The following SHISA9 variants were observed in gnomAD, a reference collection of about 807,000 sequenced individuals.
SHISA9 encodes the protein protein shisa-9.
A neutral mutation model predicts 38.0 loss-of-function variants in SHISA9; 13 were observed. The ratio of observed to expected loss-of-function variants is 0.34; its 90% CI spans 0.22 to 0.54. SHISA9 has a LOEUF of 0.54. Ranked by LOEUF, SHISA9 falls within the 20% of genes least tolerant of loss-of-function variation. SHISA9 has a pLI of 0.91. For missense variants in SHISA9, 538 were observed against 575.8 expected (o/e 0.93, Z 0.67); for synonymous variants, 275 against 242.0 (o/e 1.14, Z -1.27).
At chr16:13,482,795 T>A in the SHISA9 span, among the ~76,000 whole-genome samples, 1,745 of 116,496 alleles carry the variant, frequency 0.015, 27 homozygotes, top group African/African-American at 0.05. Flanking sequence ...AGCAAGATCC[T>A]GTCACTAAAA....
chr16:13,068,844 GTA>G (rs1240490416), intron 2 of SHISA9, among the ~76,000 whole-genome samples: 1 of 150,890 alleles, frequency 6.6e-6, no homozygotes, highest in Non-Finnish European at 1.5e-5. Flanking sequence ...GCATGTATGT[GTA>G]TATATATGCA....
chr16:13,429,637 T>G, the SHISA9 span, among the ~76,000 whole-genome samples: 2 of 152,236 alleles, frequency 1.3e-5, no homozygotes, highest in Admixed American at 6.5e-5. Flanking sequence ...CACACTGTGA[T>G]GACCTGGAGT....
the SHISA9 span, among the ~76,000 whole-genome samples, chr16:13,557,661 G>A: frequency 6.6e-6 from 1 of 152,126 alleles, no homozygotes; most frequent in Admixed American, 6.6e-5. Context: ...GCCAAGGTGC[G>A]CTAATGGAAC....
At chr16:13,476,595 A>ATGTGG in the SHISA9 span, among the ~76,000 whole-genome samples, 1 of 152,264 alleles carries the variant, frequency 6.6e-6, no homozygotes, top group East Asian at 1.9e-4. Context: ...ACTTTGGCTT[A>ATGTGG]TGTGGTGTTT....
At chr16:13,181,476 G>C (rs1024035325) in intron 2 of SHISA9, among the ~76,000 whole-genome samples, 1 of 151,818 alleles carries the variant, frequency 6.6e-6, no homozygotes, top group Non-Finnish European at 1.5e-5. Flanking sequence ...CTTGCTGGGG[G>C]ATAGAGATCA....
At chr16:13,339,781 A>G in the SHISA9 span, among the ~76,000 whole-genome samples, 1 of 152,196 alleles carries the variant, frequency 6.6e-6, no homozygotes, top group Admixed American at 6.5e-5. Flanking sequence ...AAACGACTTA[A>G]CTCTGAGTGC....
At chr16:13,269,691 T>C in the SHISA9 span, among the ~76,000 whole-genome samples, 1 of 152,188 alleles carries the variant, frequency 6.6e-6, no homozygotes, top group African/African-American at 2.4e-5. Context: ...GGAGACAGTA[T>C]ATGCTAAGGT....
intron 2 of SHISA9, among the ~76,000 whole-genome samples, chr16:13,112,190 C>T (rs2073985564): frequency 6.6e-6 from 1 of 152,052 alleles, no homozygotes; most frequent in Non-Finnish European, 1.5e-5. Flanking sequence ...GGACTTGTGT[C>T]AGATGCCAAA....
chr16:13,251,518 G>A, the SHISA9 span, among the ~76,000 whole-genome samples: 2 of 152,044 alleles, frequency 1.3e-5, no homozygotes, highest in Non-Finnish European at 2.9e-5. Context: ...GCGGGGAGAG[G>A]GGTATTGGAG....
the SHISA9 span, among the ~76,000 whole-genome samples, chr16:13,460,050 G>C: frequency 3.9e-5 from 6 of 152,110 alleles, no homozygotes; most frequent in African/African-American, 1.4e-4. Context: ...TGGGATTACA[G>C]ACACGAGCCA....
intron 2 of SHISA9, among the ~76,000 whole-genome samples, chr16:13,072,510 T>C (rs1468601689): frequency 6.6e-6 from 1 of 152,160 alleles, no homozygotes; most frequent in African/African-American, 2.4e-5. Context: ...ACACATCCCA[T>C]CTGGGTCACT....
At chr16:13,494,770 T>C in the SHISA9 span, among the ~76,000 whole-genome samples, 115 of 152,220 alleles carry the variant, frequency 7.6e-4, 2 homozygotes, top group African/African-American at 2.6e-3. Context: ...AAAAGGGGGA[T>C]TTAAAACCAG....
intron 4 of SHISA9, among the ~76,000 whole-genome samples, chr16:13,221,467 A>T (rs1185095524): frequency 3.4e-5 from 5 of 147,746 alleles, no homozygotes; most frequent in Non-Finnish European, 6.0e-5. Flanking sequence ...TAACAACATG[A>T]ACTCTTTCCC....
intron 2 of SHISA9, among the ~76,000 whole-genome samples, chr16:13,137,537 C>T (rs1444893224): frequency 2.7e-5 from 4 of 148,708 alleles, no homozygotes; most frequent in South Asian, 2.1e-4. Context: ...CTCACTGCAA[C>T]GTCCGCCTCC....
chr16:13,201,088 G>C lies in SHISA9; in HGVS notation c.692-2306G>C, dbSNP rs1250529242. On this transcript the variant is annotated intron_variant, in intron 2 of 4. Coordinates refer to ENST00000558583, the MANE Select transcript of SHISA9 (RefSeq NM_001145204.3). ...GGTTAGGGAGCCACACAAAAATGGG[G>C]CTCCAAGTAAAGTCCAGATTCAGGG... Among the ~76,000 whole-genome samples, 2 of 135,292 alleles carry C rather than the reference G, an allele frequency of 1.5e-5. 1 individual carries two copies. The highest frequency in any genetic ancestry group is 3.2e-5 in the Non-Finnish European group (2 of 62,086). The allele number at this position is 135,292 out of a possible 152,430, so 88.8% of individuals were successfully genotyped here.
chr16:13,178,773 A>G (rs915098612), intron 2 of SHISA9, among the ~76,000 whole-genome samples: 1 of 152,172 alleles, frequency 6.6e-6, no homozygotes, highest in Non-Finnish European at 1.5e-5. Context: ...GATGATGGGG[A>G]GGTGTCTGGA....
intron 2 of SHISA9, among the ~76,000 whole-genome samples, chr16:13,118,862 T>A (rs1035174024): frequency 2.6e-5 from 4 of 151,954 alleles, no homozygotes; most frequent in Admixed American, 2.6e-4. Context: ...CCAGAGTAGC[T>A]GGGATTACAG....
At chr16:13,484,054 C>A in the SHISA9 span, among the ~76,000 whole-genome samples, 2 of 152,070 alleles carry the variant, frequency 1.3e-5, no homozygotes, top group Non-Finnish European at 2.9e-5. Flanking sequence ...AGGGGGCAGT[C>A]TTGGTAACTG....
intron 2 of SHISA9, among the ~76,000 whole-genome samples, chr16:13,141,036 A>G (rs1438571290): frequency 1.3e-5 from 2 of 152,226 alleles, no homozygotes; most frequent in Admixed American, 1.3e-4. Context: ...TGTAGATGGT[A>G]GAACAACAGT....
Sources: allele counts gnomAD v4.1 joint callset (sites outside exome capture counted in the v4.1 genomes callset), GRCh38; gene constraint gnomAD v4.1.1; transcripts MANE v1.5; gene names NCBI Gene and HGNC (gene_info 2026-07-23, HGNC 2026-07-21).